The following KIF26A variants were observed in gnomAD, a reference collection of about 807,000 sequenced individuals.
KIF26A encodes the protein kinesin family member 26A.
In KIF26A, 74 loss-of-function variants were observed where a neutral mutation model predicts 126.0. The ratio of observed to expected loss-of-function variants is 0.59; its 90% CI spans 0.49 to 0.71. KIF26A has a LOEUF of 0.71. Among genes scored for constraint, KIF26A ranks in the 30% least tolerant of loss-of-function variants. The pLI is 0.00. For missense variants in KIF26A, 2,984 were observed against 2,763.3 expected (o/e 1.08, Z -1.79); for synonymous variants, 1,445 against 1,232.7 (o/e 1.17, Z -3.61).
In KIF26A at chr14:104,175,299, C is replaced by T. The variant is rs2038006770; in HGVS notation, c.2511C>T (p.Arg837=). 1.2e-6 allele frequency: 2 copies of T among 1,604,922 alleles called. No homozygotes were observed. The highest frequency in any genetic ancestry group is 1.7e-6 in the Non-Finnish European group (2 of 1,179,596). The change falls in exon 12 of 15, where the codon CGC becomes CGT. Residue 837 remains arginine (R), a synonymous_variant. Coordinates refer to ENST00000423312, the MANE Select transcript of KIF26A (RefSeq NM_015656.2). ...GTCCCCGAGACGCAGACCACTTCCG[C>T]TGCAGCACCTTCGCGGAGCTGCAGG... ...SKGPRDADHF[R]CSTFAELQER...
At position 104,175,777 on chromosome 14, in the gene KIF26A, G is replaced by A. The variant is rs1254094357; in HGVS notation, c.2989G>A (p.Ala997Thr). ...QVAGSPMLPG[A>T]TCPRLAAGSR... Reference sequence around the variant, plus strand: ...GGCTGGGTCCCCGATGCTTCCTGGGGCCACCTGCCCCCGCCTGGCTGCTGG... The same window carrying A: ...GGCTGGGTCCCCGATGCTTCCTGGGACCACCTGCCCCCGCCTGGCTGCTGG... Residue 997 changes from alanine (A) to threonine (T), a missense_variant, in exon 12 of 15, where the codon GCC becomes ACC. Transcript: ENST00000423312. The A allele has an allele frequency of 2.6e-6, 4 of 1,536,120 alleles. No individual in the cohort carries two copies. The highest frequency in any genetic ancestry group is 4.9e-5 in the East Asian group (2 of 40,842).
intron 3 of KIF26A, among the ~76,000 whole-genome samples, chr14:104,154,716 G>A (rs956993582): frequency 6.6e-6 from 1 of 152,244 alleles, no homozygotes; most frequent in Non-Finnish European, 1.5e-5. Context: ...CCCATTTCAC[G>A]CTATGAACTG....
At chr14:104,161,394 C>T (rs747217086) in intron 4 of KIF26A, among the ~76,000 whole-genome samples, 99 of 152,280 alleles carry the variant, frequency 6.5e-4, no homozygotes, top group Non-Finnish European at 1.1e-3. Flanking sequence ...TTCCTGCACG[C>T]GACAGAACAG....
chr14:104,174,759 C>T (rs1171835926), intron 11 of KIF26A, among the ~76,000 whole-genome samples: 3 of 152,154 alleles, frequency 2.0e-5, no homozygotes, highest in Non-Finnish European at 2.9e-5. Flanking sequence ...CCTCCCAGCG[C>T]GGGGTGACAC....
At chr14:104,171,605 G>T (rs1596146704) in intron 5 of KIF26A, 118 bp from the exon 6 acceptor site, 1 of 796,750 alleles carries the variant, frequency 1.3e-6, no homozygotes, top group Non-Finnish European at 2.0e-6. Context: ...TCCTGCGGTG[G>T]GGGTGCCAGT....
chr14:104,171,961 T>C, intron 6 of KIF26A, 26 bp downstream of exon 6: 1 of 1,540,720 alleles, frequency 6.5e-7, no homozygotes, highest in Non-Finnish European at 8.8e-7. Context: ...CTGGGCGTCC[T>C]CCCGGAGACC....
At chr14:104,139,336 A>G in intron 2 of KIF26A, 48 bp downstream of exon 2, 1 of 1,386,032 alleles carries the variant, frequency 7.2e-7, no homozygotes, top group South Asian at 1.7e-5. Flanking sequence ...GGCCACGCCG[A>G]ACTTGGGTAG....
intron 13 of KIF26A, 26 bp from the exon 14 acceptor site, chr14:104,179,210 G>C (rs1473513173): frequency 7.0e-7 from 1 of 1,435,760 alleles, no homozygotes; most frequent in Non-Finnish European, 9.1e-7. Context: ...TCCCATGCCT[G>C]AGCCCCCGCC....
intron 13 of KIF26A, 116 bp downstream of exon 13, chr14:104,178,871 T>C (rs942504787): frequency 1.6e-6 from 1 of 640,680 alleles, no homozygotes; most frequent in East Asian, 2.9e-5. Flanking sequence ...GGGCAGCCCC[T>C]GACCTCACTT....
intron 2 of KIF26A, among the ~76,000 whole-genome samples, chr14:104,143,801 G>A (rs11625650): frequency 0.16 from 24,936 of 152,224 alleles, 2,632 homozygotes; most frequent in Middle Eastern, 0.26. Context: ...ACCCGCCTCG[G>A]GGATCCGCAG....
At chr14:104,157,084 C>T (rs2037786013) in intron 3 of KIF26A, among the ~76,000 whole-genome samples, 1 of 152,126 alleles carries the variant, frequency 6.6e-6, no homozygotes, top group Non-Finnish European at 1.5e-5. Context: ...CCAGGTTTGG[C>T]CTGAGGGTTC....
intron 4 of KIF26A, among the ~76,000 whole-genome samples, chr14:104,165,747 GTC>G (rs1186847040): frequency 6.8e-6 from 1 of 147,512 alleles, no homozygotes; most frequent in Non-Finnish European, 1.5e-5. Context: ...GCATATGTGT[GTC>G]TGTGTTTCTG....
intron 2 of KIF26A, among the ~76,000 whole-genome samples, chr14:104,144,447 C>A: frequency 6.6e-6 from 1 of 152,134 alleles, no homozygotes; most frequent in East Asian, 1.9e-4. Flanking sequence ...CAGGCTACCC[C>A]CAAACCTTCA....
At chr14:104,178,092 G>A (rs2038056056) in intron 12 of KIF26A, among the ~76,000 whole-genome samples, 194 bp downstream of exon 12, 1 of 152,228 alleles carries the variant, frequency 6.6e-6, no homozygotes, top group Non-Finnish European at 1.5e-5. Flanking sequence ...ACGGCCCTCT[G>A]CAGTTTATAA....
rs74087186 is a variant in KIF26A at position 104,151,473 on chromosome 14, C to T, written c.289-542C>T. 0.033 allele frequency among the ~76,000 whole-genome samples: 4,991 copies of T among 152,056 alleles called. 292 individuals are homozygous for T. Among genetic ancestry groups the T allele is most frequent in the African/African-American group, 0.12 (4,780 of 41,328 alleles). On this transcript the variant is annotated intron_variant, in intron 2 of 14. Coordinates refer to ENST00000423312, the MANE Select transcript of KIF26A (RefSeq NM_015656.2). This position sits in a 1 kb window ranked among gnomAD's most constrained non-coding sequence, Gnocchi z 4.9. ...GGTGAGCTCATGTGCCCTCTAGGAG[C>T]GTCTCCGAGGGAGGCCTTCGCTTCT...
At chr14:104,161,379 A>C (rs564660862) in intron 4 of KIF26A, among the ~76,000 whole-genome samples, 1 of 152,178 alleles carries the variant, frequency 6.6e-6, no homozygotes, top group South Asian at 2.1e-4. Context: ...GTTGGCCATA[A>C]GTGATTCCTG....
In KIF26A at chr14:104,176,062, G is replaced by A; in HGVS notation, c.3274G>A (p.Glu1092Lys). 1.9e-6 allele frequency: 3 copies of A among 1,596,886 alleles called. No homozygotes were observed. Among genetic ancestry groups the A allele is most frequent in the Non-Finnish European group, 2.6e-6 (3 of 1,174,816 alleles). ...EFDAYTSQAP[E>K]GGPLEGAAWA... Reference sequence around the variant, plus strand: ...TGACGCCTACACCTCTCAGGCCCCTGAGGGGGGGCCCCTGGAGGGGGCAGC... The same window carrying A: ...TGACGCCTACACCTCTCAGGCCCCTAAGGGGGGGCCCCTGGAGGGGGCAGC... The change falls in exon 12 of 15, where the codon GAG becomes AAG. Residue 1092 changes from glutamate (E) to lysine (K), a missense_variant. By Grantham distance (56) the Glu-to-Lys change is moderately conservative (BLOSUM62 1). Coordinates refer to ENST00000423312, the MANE Select transcript of KIF26A (RefSeq NM_015656.2).
rs753172436 is a variant in KIF26A, at chr14:104,177,512, C to T, written c.4724C>T (p.Ala1575Val). Residue 1575 changes from alanine to valine, a missense_variant, in exon 12 of 15, where the codon GCC (alanine) becomes GTC (valine). Transcript: ENST00000423312. Reference protein sequence around the residue: ...SRVHELSASGAPGRGGSSWGS... With the variant: ...SRVHELSASGVPGRGGSSWGS... ...GTCCATGAGCTGTCAGCCAGTGGAG[C>T]CCCGGGCCGAGGTGGCTCCTCGTGG... 2.1e-5 allele frequency: 33 copies of T among 1,534,890 alleles called. No individual in the cohort carries two copies. In the African/African-American group the frequency reaches 4.0e-4, roughly 19 times the overall value.
chr14:104,146,014 G>A (rs1364858898), intron 2 of KIF26A, among the ~76,000 whole-genome samples: 1 of 152,242 alleles, frequency 6.6e-6, no homozygotes, highest in Non-Finnish European at 1.5e-5. Context: ...CCCAAGATGG[G>A]GCCAGCAGGG....
Sources: allele counts gnomAD v4.1 joint callset (sites outside exome capture counted in the v4.1 genomes callset), GRCh38; gene constraint gnomAD v4.1.1; non-coding constraint Gnocchi (gnomAD v3.1); transcripts MANE v1.5; gene names NCBI Gene and HGNC (gene_info 2026-07-23, HGNC 2026-07-21).